Variants in ZNF536 observed in about 807,000 individuals in gnomAD.
ZNF536 encodes the protein zinc finger protein 536.
A neutral mutation model predicts 84.5 loss-of-function variants in ZNF536; 13 were observed. The observed-to-expected ratio is 0.15, with a 90% CI of 0.10 to 0.24. ZNF536 has a LOEUF of 0.24. Ranked by LOEUF, ZNF536 falls within the 10% of genes least tolerant of loss-of-function variation. The probability of loss-of-function intolerance (pLI) is 1.00; values close to 1 mark genes in which losing one functional copy is unlikely to be tolerated. For synonymous variants in ZNF536, 811 were observed against 742.5 expected (o/e 1.09, Z -1.50); for missense variants, 1,536 against 1,747.5 (o/e 0.88, Z 2.16).
chr19:30,506,995 C>A (rs1449882568), intron 2 of ZNF536, among the ~76,000 whole-genome samples: 4 of 152,170 alleles, frequency 2.6e-5, no homozygotes, highest in African/African-American at 9.7e-5. Flanking sequence ...AAAGGGGGAT[C>A]GTAGTATACA....
rs141558241 is a variant in ZNF536 at position 30,549,378 on chromosome 19, G to A, written c.3759G>A (p.Arg1253=). The change falls in exon 4 of 5, where the codon CGG becomes CGA. Residue 1253 remains arginine (R), a synonymous_variant. Transcript: ENST00000355537. ...DPLAGLPKPE[R]GPQSLDKPMN... is the part of the protein sequence containing the mutation. ...TGGCGGGCCTGCCAAAGCCGGAGCG[G>A]GGGCCCCAGAGCCTGGACAAGCCGA... The A allele has an allele frequency of 6.2e-7, 1 of 1,600,086 alleles. No homozygotes were observed. Among genetic ancestry groups the A allele is most frequent in the Admixed American group, 1.7e-5 (1 of 58,990 alleles).
At chr19:30,626,796 C>G (rs1332198261) in intron 1 of ZNF536, among the ~76,000 whole-genome samples, 1 of 152,192 alleles carries the variant, frequency 6.6e-6, no homozygotes, top group Non-Finnish European at 1.5e-5. Flanking sequence ...ATGGTGACCG[C>G]GCCAGATAGG....
intron 1 of ZNF536, among the ~76,000 whole-genome samples, chr19:30,242,516 A>G (rs1241801838): frequency 6.6e-6 from 1 of 152,236 alleles, no homozygotes; most frequent in Non-Finnish European, 1.5e-5. Flanking sequence ...GCATGGCTGC[A>G]GTGGTGTTCC....
chr19:30,466,028 G>T (rs1304419374), intron 2 of ZNF536, among the ~76,000 whole-genome samples: 1 of 152,044 alleles, frequency 6.6e-6, no homozygotes, highest in Non-Finnish European at 1.5e-5. Context: ...GGGATTACAG[G>T]CATGAGCCAC....
Position 30,445,014 on chromosome 19 carries a change from C to T in ZNF536, c.1452C>T (p.Asp484=), listed in dbSNP as rs2148207999. The change falls in exon 2 of 5, where the codon GAC becomes GAT. Residue 484 remains aspartate (D), a synonymous_variant. Transcript: ENST00000355537. The surrounding 1 kb of genome is among the most constrained non-coding windows in gnomAD (Gnocchi z 4.5). The part of the protein sequence containing the change: ...SSMAHGVPEG[D]KHSLLGCLNL... Reference sequence around the variant, plus strand: ...TGGCCCACGGCGTCCCGGAGGGGGACAAGCACTCCCTCCTGGGATGCCTCA... The same window carrying T: ...TGGCCCACGGCGTCCCGGAGGGGGATAAGCACTCCCTCCTGGGATGCCTCA... 1 of 1,611,840 alleles carries T rather than the reference C, an allele frequency of 6.2e-7. No individual in the cohort carries two copies. Among genetic ancestry groups the T allele is most frequent in the East Asian group, 2.2e-5 (1 of 44,816 alleles).
chr19:30,371,865 A>G (rs1013487871), upstream of ZNF536, among the ~76,000 whole-genome samples: 5 of 152,058 alleles, frequency 3.3e-5, no homozygotes, highest in East Asian at 1.9e-4. Flanking sequence ...ATATATATAC[A>G]TTGAAGAATC....
chr19:30,705,195 G>C (rs915110462), intron 1 of ZNF536, among the ~76,000 whole-genome samples: 1 of 152,046 alleles, frequency 6.6e-6, no homozygotes, highest in Non-Finnish European at 1.5e-5. Context: ...GGCTTATTCC[G>C]GGCCTATCAT....
intron 2 of ZNF536, among the ~76,000 whole-genome samples, chr19:30,490,257 T>C (rs527514981): frequency 1.3e-5 from 2 of 152,292 alleles, no homozygotes; most frequent in South Asian, 4.2e-4. Context: ...TGATAAGCCC[T>C]AGAATGGTGA....
intron 2 of ZNF536, among the ~76,000 whole-genome samples, chr19:30,314,006 C>T (rs1217658102): frequency 6.6e-6 from 1 of 152,254 alleles, no homozygotes; most frequent in Non-Finnish European, 1.5e-5. Context: ...CTCCAACGCT[C>T]CTTTGGGACT....
intron 1 of ZNF536, among the ~76,000 whole-genome samples, chr19:30,604,775 G>T (rs1197591784): frequency 6.6e-6 from 1 of 152,174 alleles, no homozygotes; most frequent in Non-Finnish European, 1.5e-5. Flanking sequence ...TTCACATGAA[G>T]AACGGACATT....
chr19:30,411,461 A>G (rs2050492336), intron 1 of ZNF536, among the ~76,000 whole-genome samples: 1 of 152,206 alleles, frequency 6.6e-6, no homozygotes, highest in Non-Finnish European at 1.5e-5. Flanking sequence ...GGATTATAAA[A>G]AAATTCTCCT....
In ZNF536 at chr19:30,445,020, C is replaced by G. The variant is rs138204939; in HGVS notation, c.1458C>G (p.His486Gln). 2.6e-4 allele frequency: 421 copies of G among 1,612,124 alleles called. No homozygotes were observed. The highest frequency in any genetic ancestry group is 3.4e-4 in the Non-Finnish European group (402 of 1,179,184). Residue 486 changes from histidine to glutamine, a missense_variant, in exon 2 of 5, where the codon CAC becomes CAG. Physicochemically the swap from His to Gln is conservative, Grantham distance 24 (BLOSUM62 0). Around this residue, in one of 8 missense-constraint regions of ZNF536, gnomAD observed 366 missense variants for 364.4 expected, o/e 1.00. Coordinates refer to ENST00000355537, the MANE Select transcript of ZNF536 (RefSeq NM_014717.3). This position sits in a 1 kb window ranked among gnomAD's most constrained non-coding sequence, Gnocchi z 4.5. ...ACGGCGTCCCGGAGGGGGACAAGCA[C>G]TCCCTCCTGGGATGCCTCAATCTCG... ...MAHGVPEGDK[H>Q]SLLGCLNLVP...
Position 30,445,326 on chromosome 19 carries a change from G to A in ZNF536, c.1764G>A (p.Val588=), listed in dbSNP as rs1462746488. The change falls in exon 2 of 5, where the codon GTG becomes GTA. Residue 588 remains valine, a synonymous_variant. Transcript: ENST00000355537. The surrounding 1 kb of genome is among the most constrained non-coding windows in gnomAD (Gnocchi z 4.5). ...MPADLVHSTK[V]GSQRDLPSKL... The stretch of plus-strand genomic sequence containing the variant: ...CTGATTTGGTTCACAGCACTAAAGT[G>A]GGCAGCCAGAGAGACCTGCCAAGTA... 1 of 1,614,196 alleles carries A rather than the reference G, an allele frequency of 6.2e-7. No individual in the cohort carries two copies. Among genetic ancestry groups the A allele is most frequent in the Non-Finnish European group, 8.5e-7 (1 of 1,180,046 alleles).
chr19:30,549,598 A>C, intron 4 of ZNF536, 84 bp downstream of exon 4: 1 of 1,372,952 alleles, frequency 7.3e-7, no homozygotes, highest in East Asian at 2.5e-5. Flanking sequence ...AGGTAGACTT[A>C]TCCATGAGCA....
intron 1 of ZNF536, among the ~76,000 whole-genome samples, chr19:30,685,828 C>A (rs1037227443): frequency 2.0e-5 from 3 of 152,222 alleles, no homozygotes; most frequent in African/African-American, 7.2e-5. Flanking sequence ...GGTCCTGCCA[C>A]GTTGCTGAGA....
chr19:30,539,118 ACC>A (rs199778964), intron 3 of ZNF536, among the ~76,000 whole-genome samples: 1 of 148,804 alleles, frequency 6.7e-6, no homozygotes, highest in Non-Finnish European at 1.5e-5. Flanking sequence ...GGAGATATGC[ACC>A]CCCCCCACAC....
At chr19:30,256,634 T>A (rs1463299504) in intron 1 of ZNF536, among the ~76,000 whole-genome samples, 7 of 152,136 alleles carry the variant, frequency 4.6e-5, no homozygotes, top group Admixed American at 1.3e-4. Context: ...TTTCCTTCTG[T>A]CATATCATGG....
At chr19:30,702,224 G>A (rs760817763) in intron 1 of ZNF536, among the ~76,000 whole-genome samples, 6 of 152,164 alleles carry the variant, frequency 3.9e-5, no homozygotes, top group Non-Finnish European at 7.3e-5. Context: ...CCCCACTTTC[G>A]TTATAAACAA....
chr19:30,297,872 A>G (rs1299146499), intron 2 of ZNF536, among the ~76,000 whole-genome samples: 1 of 140,606 alleles, frequency 7.1e-6, no homozygotes, highest in Non-Finnish European at 1.5e-5. Flanking sequence ...CACAAACTTC[A>G]TGCCTTTTTT....
Sources: allele counts gnomAD v4.1 joint callset (sites outside exome capture counted in the v4.1 genomes callset), GRCh38; gene constraint gnomAD v4.1.1; regional missense constraint gnomAD v4.1.1; non-coding constraint Gnocchi (gnomAD v3.1); transcripts MANE v1.5; gene names NCBI Gene and HGNC (gene_info 2026-07-23, HGNC 2026-07-21).